The following LRP6 variants were observed in gnomAD, a reference collection of about 807,000 sequenced individuals.
LRP6 encodes the protein low-density lipoprotein receptor-related protein 6.
LRP6 carries 43 observed loss-of-function variants against 184.1 expected under a neutral mutation model. That is an observed-to-expected ratio of 0.23 (90% confidence interval 0.18 to 0.30). The LOEUF is 0.30. LRP6 is among the 10% of genes least tolerant of loss of function. The pLI is 1.00. For synonymous variants in LRP6, 719 were observed against 684.9 expected (o/e 1.05, Z -0.78); for missense variants, 1,571 against 2,005.3 (o/e 0.78, Z 4.14).
At chr12:12,190,349 A>G (rs1453850595) in intron 3 of LRP6, among the ~76,000 whole-genome samples, 1 of 152,214 alleles carries the variant, frequency 6.6e-6, no homozygotes, top group Non-Finnish European at 1.5e-5. Context: ...CCTCAATAGT[A>G]GGTCACAACG....
At chr12:12,226,438 A>G (rs1864625638) in intron 2 of LRP6, among the ~76,000 whole-genome samples, 1 of 152,230 alleles carries the variant, frequency 6.6e-6, no homozygotes, top group Admixed American at 6.5e-5. Flanking sequence ...GCTAACGGGA[A>G]AAAACAGACA....
At chr12:12,140,018 T>C (rs1949907375) in intron 15 of LRP6, among the ~76,000 whole-genome samples, 1 of 152,106 alleles carries the variant, frequency 6.6e-6, no homozygotes, top group South Asian at 2.1e-4. Context: ...AAAATATGTG[T>C]AAGAAATTAC....
rs546454190 is a variant in LRP6 at position 12,116,266 on chromosome 12, A to C, written c.*4860T>G. 2 of 152,346 alleles carry C rather than the reference A, an allele frequency of 1.3e-5. No individual in the cohort carries two copies. Among genetic ancestry groups the C allele is most frequent in the African/African-American group, 4.8e-5 (2 of 41,578 alleles). 9.4% of individuals were successfully genotyped at this position (152,346 alleles called of 1,614,324 possible). A position where few individuals can be genotyped will look rare whatever the true frequency, so the allele number is the denominator to read the frequency against. ...GTACCAAAGTCAATGAACAAGAAAC[A>C]CCAGTTGACTTTAAGACAATGACGA... On this transcript the variant is annotated 3_prime_UTR_variant, in exon 23 of 23. Coordinates refer to ENST00000261349, the MANE Select transcript of LRP6 (RefSeq NM_002336.3).
At chr12:12,198,400 T>C (rs1318175702) in intron 3 of LRP6, among the ~76,000 whole-genome samples, 1 of 152,128 alleles carries the variant, frequency 6.6e-6, no homozygotes, top group African/African-American at 2.4e-5. Flanking sequence ...TCTTTAAATT[T>C]TTCCTCCTTT....
chr12:12,226,350 A>T (rs1864623080), intron 2 of LRP6, among the ~76,000 whole-genome samples: 1 of 152,262 alleles, frequency 6.6e-6, no homozygotes, highest in Admixed American at 6.5e-5. Context: ...CAAGTACCAT[A>T]ACCAGATTGA....
At chr12:12,197,125 T>C (rs895065397) in intron 3 of LRP6, among the ~76,000 whole-genome samples, 2 of 152,208 alleles carry the variant, frequency 1.3e-5, no homozygotes, top group African/African-American at 4.8e-5. Flanking sequence ...CCAATTCCTT[T>C]TTAAAATACC....
At chr12:12,261,017 T>C (rs1021919165) in intron 1 of LRP6, among the ~76,000 whole-genome samples, 1 of 152,194 alleles carries the variant, frequency 6.6e-6, no homozygotes, top group African/African-American at 2.4e-5. Flanking sequence ...AGAATCTCCT[T>C]TGATATTTAA....
chr12:12,175,380 C>T (rs999399803), intron 7 of LRP6, among the ~76,000 whole-genome samples: 1 of 151,424 alleles, frequency 6.6e-6, no homozygotes, highest in African/African-American at 2.4e-5. Flanking sequence ...CAGAGTGAGA[C>T]CCTGTCTCAA....
chr12:12,132,132 G>C, intron 17 of LRP6, 75 bp from the exon 18 acceptor site: 1 of 885,358 alleles, frequency 1.1e-6, no homozygotes, highest in South Asian at 1.3e-5. Flanking sequence ...ACATACCTGA[G>C]TGAAGCTCAT....
intron 1 of LRP6, among the ~76,000 whole-genome samples, chr12:12,254,589 A>C (rs1232589990): frequency 1.3e-5 from 2 of 152,214 alleles, no homozygotes; most frequent in Non-Finnish European, 2.9e-5. Flanking sequence ...ATGGCAATAT[A>C]GTTATCTGCA....
chr12:12,204,704 C>G (rs1363595961), intron 2 of LRP6, among the ~76,000 whole-genome samples: 1 of 151,908 alleles, frequency 6.6e-6, no homozygotes, highest in African/African-American at 2.4e-5. Flanking sequence ...ACCTGTAATC[C>G]CAGCACTTTG....
At chr12:12,185,847 GT>G (rs71435899) in intron 4 of LRP6, among the ~76,000 whole-genome samples, 61,837 of 140,776 alleles carry the variant, frequency 0.44, 15,707 homozygotes, top group East Asian at 0.76. Context: ...TGTGTTTTTT[GT>G]TTTTTTTTTT....
chr12:12,125,269 G>T lies in LRP6; in HGVS notation c.4449+27C>A, dbSNP rs761453850. 7.7e-5 allele frequency: 124 copies of T among 1,612,040 alleles called. 1 individual carries two copies. Among genetic ancestry groups the T allele is most frequent in the East Asian group, 4.5e-5 (2 of 44,864 alleles). On this transcript the variant is annotated intron_variant, in intron 21 of 22. Transcript: ENST00000261349. ...AAAAATCTAAGATCTTATGTATGTC[G>T]CATTCAAAGGAAAACAGACTACTTA...
intron 2 of LRP6, among the ~76,000 whole-genome samples, chr12:12,207,497 G>A (rs1235722031): frequency 2.6e-5 from 4 of 152,096 alleles, no homozygotes; most frequent in Non-Finnish European, 5.9e-5. Context: ...TTGCACCACC[G>A]CACTTTTGAG....
intron 2 of LRP6, among the ~76,000 whole-genome samples, chr12:12,240,035 TACAC>T (rs747236412): frequency 6.7e-6 from 1 of 149,882 alleles, no homozygotes; most frequent in South Asian, 2.1e-4. Context: ...AGAACACATG[TACAC>T]ACACACACAC....
intron 3 of LRP6, among the ~76,000 whole-genome samples, chr12:12,195,695 T>C (rs913731526): frequency 1.3e-5 from 2 of 152,186 alleles, no homozygotes; most frequent in African/African-American, 4.8e-5. Context: ...TTTAGTTTGA[T>C]ATAATGCATC....
chr12:12,145,481 T>C lies in LRP6; in HGVS notation c.3397+1885A>G, dbSNP rs1472482836. ...TTATTTCTTGAGGAAAATACTGACA[T>C]GTATGTCTGTTTCTTTTCCCCTCTC... On this transcript the variant is annotated intron_variant, in intron 15 of 22. Transcript: ENST00000261349. Among the ~76,000 whole-genome samples the C allele has an allele frequency of 4.0e-5, 6 of 151,778 alleles. No individual in the cohort carries two copies. The East Asian group carries it at 1.2e-3, about 29-fold the overall frequency.
intron 4 of LRP6, 124 bp downstream of exon 4, chr12:12,186,797 ACT>A: frequency 5.6e-6 from 5 of 885,340 alleles, no homozygotes; most frequent in South Asian, 5.6e-5. Context: ...TAGGATTTTA[ACT>A]CTTTTTTATT....
intron 3 of LRP6, among the ~76,000 whole-genome samples, chr12:12,199,094 G>A (rs1863846546): frequency 6.6e-6 from 1 of 151,710 alleles, no homozygotes; most frequent in South Asian, 2.1e-4. Context: ...GGAACAACAT[G>A]GATGACTTGC....
Sources: allele counts gnomAD v4.1 joint callset (sites outside exome capture counted in the v4.1 genomes callset), GRCh38; gene constraint gnomAD v4.1.1; transcripts MANE v1.5; gene names NCBI Gene and HGNC (gene_info 2026-07-23, HGNC 2026-07-21).